The following TRPM2 variants were observed in gnomAD, a reference collection of about 807,000 sequenced individuals.
The protein encoded by TRPM2 is estrogen-responsive element-associated gene 1 protein.
TRPM2 carries 161 observed loss-of-function variants against 174.0 expected under a neutral mutation model. That is an observed-to-expected ratio of 0.93 (90% confidence interval 0.81 to 1.05). The LOEUF is 1.05. TRPM2 is among the 50% of genes least tolerant of loss of function. TRPM2 has a pLI of 0.00. For synonymous variants in TRPM2, 954 were observed against 861.3 expected, an observed-to-expected ratio of 1.11 and a Z score of -1.88; for missense variants, 2,057 against 2,038.0, an observed-to-expected ratio of 1.01 and a Z score of -0.18.
chr21:44,369,145 G>A (rs1185030077), intron 4 of TRPM2, 32 bp from the exon 5 acceptor site: 2 of 1,564,614 alleles, frequency 1.3e-6, no homozygotes, highest in Non-Finnish European at 8.7e-7. Context: ...CCTCAGTGCT[G>A]TGGGGCCTGC....
chr21:44,436,899 T>G (rs116760443), intron 28 of TRPM2, among the ~76,000 whole-genome samples, 163 bp from the exon 29 acceptor site: 4,483 of 152,250 alleles, frequency 0.029, 76 homozygotes, highest in Middle Eastern at 0.054. Flanking sequence ...GTGGTTACTA[T>G]CTCAGTCTTT....
chr21:44,395,424 T>C lies in TRPM2; in HGVS notation c.1805T>C (p.Val602Ala), dbSNP rs149930126. The C allele has an allele frequency of 4.9e-4, 793 of 1,612,382 alleles. 6 individuals carry two copies. In the Middle Eastern group the frequency reaches 0.011, roughly 22 times the overall value. The change falls in exon 12 of 32, where the codon GTG (valine) becomes GCG (alanine). Residue 602 changes from valine (V) to alanine (A), a missense_variant. Physicochemically the swap from Val to Ala is moderately conservative, Grantham distance 64 (BLOSUM62 0). Coordinates refer to ENST00000397928, the MANE Select transcript of TRPM2 (RefSeq NM_003307.4). ...VPHVKLNVQG[V>A]SLRSLYKRSS... Reference sequence around the variant, plus strand: ...TTCACTGCTCACCAGGTGCAGGGAGTGAGCCTCCGGTCCCTCTACAAGCGT... The same window carrying C: ...TTCACTGCTCACCAGGTGCAGGGAGCGAGCCTCCGGTCCCTCTACAAGCGT...
chr21:44,406,851 G>C (rs567808329), intron 19 of TRPM2, 86 bp downstream of exon 19: 2 of 1,500,042 alleles, frequency 1.3e-6, no homozygotes, highest in African/African-American at 2.8e-5. Flanking sequence ...GTGGGAGTGA[G>C]GCCGGCTCCA....
At chr21:44,427,195 A>T in intron 27 of TRPM2, 84 bp downstream of exon 27, 1 of 1,187,660 alleles carries the variant, frequency 8.4e-7, no homozygotes, top group South Asian at 1.5e-5. Flanking sequence ...CAAAGGAAGC[A>T]TTTTTCTCAT....
At chr21:44,351,481 G>A (rs1243486121), upstream of TRPM2, among the ~76,000 whole-genome samples, 3 of 152,238 alleles carry the variant, frequency 2.0e-5, no homozygotes, top group African/African-American at 4.8e-5. Flanking sequence ...TCTTCTGGAA[G>A]CTCATTTCCT....
At chr21:44,408,684 G>T (rs889328622) in intron 19 of TRPM2, among the ~76,000 whole-genome samples, 13 of 135,196 alleles carry the variant, frequency 9.6e-5, no homozygotes, top group African/African-American at 3.3e-4. Flanking sequence ...TTCCGACAGG[G>T]TCTCGCTCTG....
intron 16 of TRPM2, among the ~76,000 whole-genome samples, chr21:44,402,100 C>T (rs2049640179): frequency 6.6e-6 from 1 of 152,182 alleles, no homozygotes; most frequent in African/African-American, 2.4e-5. Context: ...CCTGCGCCTG[C>T]TTCCCTGCTT....
Position 44,369,317 on chromosome 21 carries a change from C to T in TRPM2, c.745C>T (p.Arg249Cys), listed in dbSNP as rs767777511. ...IGVATWGTVH[R>C]REGLIHPTGS... The stretch of plus-strand genomic sequence containing the variant: ...AGTCGCCACCTGGGGCACTGTCCAC[C>T]GCCGCGAGGGCCTGATCCATCCCAC... Residue 249 changes from arginine to cysteine, a missense_variant, in exon 5 of 32, where the codon CGC becomes TGC. Coordinates refer to ENST00000397928, the MANE Select transcript of TRPM2 (RefSeq NM_003307.4). 5.0e-6 allele frequency: 8 copies of T among 1,612,970 alleles called. No homozygotes were observed. The highest frequency in any genetic ancestry group is 3.3e-5 in the Admixed American group (2 of 59,960).
chr21:44,440,651 G>C, intron 30 of TRPM2, 138 bp from the exon 31 acceptor site: 2 of 748,916 alleles, frequency 2.7e-6, no homozygotes, highest in Non-Finnish European at 2.3e-6. Context: ...GCTGGCGGGG[G>C]CTGGGGAGAG....
chr21:44,403,820 T>C lies in TRPM2; in HGVS notation c.2539-1322T>C, dbSNP rs560918826. 2.0e-5 allele frequency among the ~76,000 whole-genome samples: 3 copies of C among 151,470 alleles called. No homozygotes were observed. The East Asian group carries it at 5.9e-4, about 30-fold the overall frequency. On this transcript the variant is annotated intron_variant, in intron 16 of 31. Coordinates refer to ENST00000397928, the MANE Select transcript of TRPM2 (RefSeq NM_003307.4). ...ACACAGATAAACACATGTATACACA[T>C]GCACACACATGCATACACACATTAC...
At chr21:44,434,985 C>A in intron 27 of TRPM2, 146 bp from the exon 28 acceptor site, 2 of 738,140 alleles carry the variant, frequency 2.7e-6, no homozygotes, top group South Asian at 1.7e-5. Context: ...ACTCCCTAGG[C>A]CAGAGCAGGT....
At chr21:44,441,543 C>T in intron 31 of TRPM2, 149 bp from the exon 32 acceptor site, 1 of 1,120,996 alleles carries the variant, frequency 8.9e-7, no homozygotes, top group Non-Finnish European at 1.2e-6. Flanking sequence ...ATCTCTGGTG[C>T]ACCTGACGCA....
rs148356353 is a variant in TRPM2, at chr21:44,435,693, C to A, written c.4061+476C>A. Among the ~76,000 whole-genome samples, 934 of 133,696 alleles carry A rather than the reference C, an allele frequency of 7.0e-3. 20 individuals carry two copies. Among genetic ancestry groups the A allele is most frequent in the African/African-American group, 0.018 (569 of 30,784 alleles). The allele number at this position is 133,696 out of a possible 152,430, so 87.7% of individuals were successfully genotyped here. A position where few individuals can be genotyped will look rare whatever the true frequency, so the allele number is the denominator to read the frequency against. ...GGGACAGAGCCCCACACTCACCCCT[C>A]AGACTCACTTTCCACACCCATCCAC... On this transcript the variant is annotated intron_variant, in intron 28 of 31. Transcript: ENST00000397928.
At chr21:44,362,348 C>CAAAAAAAAAAAAAAAAAAAAAAAAAAA (rs57031573) in intron 2 of TRPM2, among the ~76,000 whole-genome samples, 2 of 89,288 alleles carry the variant, frequency 2.2e-5, no homozygotes, top group African/African-American at 4.1e-5. Context: ...ACTAAAAATA[C>CAAAAAAAAAAAAAAAAAAAAAAAAAAA]AAAAAAAAAA....
Position 44,427,093 on chromosome 21 carries a change from T to A in TRPM2, c.3956T>A (p.Val1319Glu). ...CGGAGCTTCCACGGGCCGTACACAG[T>A]GCAGGCCGGGTTGCCCCTGTGAGTG... Reference protein sequence around the residue: ...DRRSFHGPYTVQAGLPLNPMG... With the variant: ...DRRSFHGPYTEQAGLPLNPMG... The change falls in exon 27 of 32, where the codon GTG becomes GAG. Residue 1319 changes from valine to glutamate, a missense_variant. By Grantham distance (121) the Val-to-Glu change is moderately radical (BLOSUM62 -2). Transcript: ENST00000397928. 3 of 1,599,276 alleles carry A rather than the reference T, an allele frequency of 1.9e-6. No homozygotes were observed. The highest frequency in any genetic ancestry group is 2.6e-6 in the Non-Finnish European group (3 of 1,173,508).
chr21:44,388,888 A>G (rs538953724), intron 9 of TRPM2, among the ~76,000 whole-genome samples: 3 of 152,306 alleles, frequency 2.0e-5, no homozygotes, highest in South Asian at 4.1e-4. Context: ...TTTATGCTAC[A>G]CGTATTTTAC....
rs1169932837 is a variant in TRPM2 at position 44,400,518 on chromosome 21, TG to T, written c.2321+152del. 9 of 736,722 alleles carry T rather than the reference TG, an allele frequency of 1.2e-5. 1 individual carries two copies. In the South Asian group the frequency reaches 1.3e-4, roughly 11 times the overall value. The allele number at this position is 736,722 out of a possible 1,614,324, so 45.6% of individuals were successfully genotyped here. A position where few individuals can be genotyped will look rare whatever the true frequency, so the allele number is the denominator to read the frequency against. ...TCCCTGGATCCTGGGGCTGTAGAGA[TG>T]GGGGTGGGAAGCAGAGCAGGGCCCC... On this transcript the variant is annotated intron_variant, in intron 15 of 31. Transcript: ENST00000397928.
intron 2 of TRPM2, among the ~76,000 whole-genome samples, chr21:44,360,895 G>A (rs2048189980): frequency 6.6e-6 from 1 of 151,552 alleles, no homozygotes; most frequent in Non-Finnish European, 1.5e-5. Flanking sequence ...GTGTATTTGT[G>A]TAACTACCAC....
rs149151860 is a variant in TRPM2, at chr21:44,413,919, C to T, written c.2991C>T (p.Ser997=). The T allele has an allele frequency of 1.3e-5, 21 of 1,613,810 alleles. No homozygotes were observed. The highest frequency in any genetic ancestry group is 2.2e-5 in the East Asian group (1 of 44,878). The change falls in exon 20 of 32, where the codon AGC becomes AGT. Residue 997 remains serine, a synonymous_variant. Coordinates refer to ENST00000397928, the MANE Select transcript of TRPM2 (RefSeq NM_003307.4). ...DGVNFNPEHC[S]PNGTDPYKPK... ...TGAACTTCAACCCGGAGCACTGCAG[C>T]CCCAATGGCACCGACCCCTACAAGC...
Sources: allele counts gnomAD v4.1 joint callset (sites outside exome capture counted in the v4.1 genomes callset), GRCh38; gene constraint gnomAD v4.1.1; transcripts MANE v1.5; gene names NCBI Gene and HGNC (gene_info 2026-07-23, HGNC 2026-07-21).